The following BMAL1 variants were observed in gnomAD, a reference collection of about 807,000 sequenced individuals.
BMAL1 encodes basic helix-loop-helix ARNT like 1.
the BMAL1 span, chr11:13,353,506 G>A: frequency 6.6e-6 from 1 of 152,212 alleles, no homozygotes; most frequent in Non-Finnish European, 1.5e-5. Flanking sequence ...TTGATCATAT[G>A]TTTATTGATT....
At chr11:13,361,166 A>G in the BMAL1 span, among the ~76,000 whole-genome samples, 6 of 152,152 alleles carry the variant, frequency 3.9e-5, no homozygotes, top group Non-Finnish European at 5.9e-5. Flanking sequence ...CAAGAGATAT[A>G]TGCTTTCACC....
the BMAL1 span, among the ~76,000 whole-genome samples, chr11:13,306,700 A>C: frequency 6.6e-6 from 1 of 152,240 alleles, no homozygotes; most frequent in African/African-American, 2.4e-5. Flanking sequence ...ACAGATACAG[A>C]AAACGGCGTG....
chr11:13,355,352 T>G, the BMAL1 span: 2 of 1,496,966 alleles, frequency 1.3e-6, no homozygotes, highest in Non-Finnish European at 9.3e-7. Context: ...AGAGTGGGTA[T>G]GAGGGCTGTG....
At chr11:13,329,139 CAA>C in the BMAL1 span, among the ~76,000 whole-genome samples, 1 of 152,174 alleles carries the variant, frequency 6.6e-6, no homozygotes, top group African/African-American at 2.4e-5. Flanking sequence ...CACAAGAACA[CAA>C]GATCACTTCA....
the BMAL1 span, among the ~76,000 whole-genome samples, chr11:13,319,775 C>G: frequency 6.6e-6 from 1 of 152,206 alleles, no homozygotes; most frequent in South Asian, 2.1e-4. Context: ...CACAGCTCTG[C>G]CAGGCTGGCT....
At chr11:13,378,477 C>G in the BMAL1 span, 3 of 1,592,270 alleles carry the variant, frequency 1.9e-6, no homozygotes, top group East Asian at 6.8e-5. Context: ...CTCTGTTAAA[C>G]CAGTGGTTCT....
At chr11:13,381,042 A>G in the BMAL1 span, 1 of 939,554 alleles carries the variant, frequency 1.1e-6, no homozygotes, top group South Asian at 1.5e-5. Context: ...GGCCCCTTAC[A>G]GAAAAAGCTT....
chr11:13,385,656 T>C, the BMAL1 span: 2 of 1,544,874 alleles, frequency 1.3e-6, no homozygotes, highest in African/African-American at 2.7e-5. Flanking sequence ...TAATACTGAT[T>C]CAAACTTCAC....
At chr11:13,358,599 C>G in the BMAL1 span, 2 of 1,583,420 alleles carry the variant, frequency 1.3e-6, no homozygotes, top group African/African-American at 2.7e-5. Flanking sequence ...GAGGTGAGAC[C>G]CTGGGCTCTA....
chr11:13,289,341 G>A, the BMAL1 span, among the ~76,000 whole-genome samples: 2 of 152,116 alleles, frequency 1.3e-5, no homozygotes, highest in African/African-American at 4.8e-5. Flanking sequence ...GGTGGGTGCT[G>A]ATGTGTACTA....
the BMAL1 span, among the ~76,000 whole-genome samples, chr11:13,337,653 G>A: frequency 6.6e-6 from 1 of 152,152 alleles, no homozygotes; most frequent in African/African-American, 2.4e-5. Flanking sequence ...AGTGAAAGTG[G>A]CATATTATCT....
At chr11:13,380,782 C>A in the BMAL1 span, 1 of 166,386 alleles carries the variant, frequency 6.0e-6, no homozygotes. Flanking sequence ...TAAAACTGGC[C>A]ACTTACTTGA....
At chr11:13,366,639 T>C in the BMAL1 span, 1 of 1,575,030 alleles carries the variant, frequency 6.3e-7, no homozygotes, top group Non-Finnish European at 8.7e-7. Flanking sequence ...AATTGACTTG[T>C]CATGTTTAAC....
chr11:13,337,973 C>T, the BMAL1 span, among the ~76,000 whole-genome samples: 6 of 152,164 alleles, frequency 3.9e-5, no homozygotes, highest in East Asian at 1.9e-4. Flanking sequence ...GAGAACTAAA[C>T]GAAACAACAC....
chr11:13,342,173 C>T, the BMAL1 span, among the ~76,000 whole-genome samples: 1 of 152,170 alleles, frequency 6.6e-6, no homozygotes, highest in African/African-American at 2.4e-5. Flanking sequence ...GGGGAAAACT[C>T]TTGCAAAAAA....
the BMAL1 span, among the ~76,000 whole-genome samples, chr11:13,289,390 G>C: frequency 6.6e-6 from 1 of 152,010 alleles, no homozygotes; most frequent in African/African-American, 2.4e-5. Context: ...TTATTTGTTT[G>C]TTTTTATTAT....
At chr11:13,361,474 A>G in the BMAL1 span, among the ~76,000 whole-genome samples, 8 of 152,246 alleles carry the variant, frequency 5.3e-5, no homozygotes, top group East Asian at 1.4e-3. Context: ...GAATCTTCCT[A>G]CCCATCTTTG....
the BMAL1 span, chr11:13,354,275 C>CTT: frequency 6.5e-7 from 1 of 1,534,228 alleles, no homozygotes; most frequent in Non-Finnish European, 8.8e-7. Flanking sequence ...ATAAACACAC[C>CTT]TTTGTGCCTC....
At chr11:13,284,190 ATATGTGTGTATATATATATGTG>A in the BMAL1 span, among the ~76,000 whole-genome samples, 626 of 62,946 alleles carry the variant, frequency 9.9e-3, 54 homozygotes, top group East Asian at 0.057. Context: ...GTATATATAT[ATATGTGTGTATATATATATGTG>A]TATATATATA....
Sources: allele counts gnomAD v4.1 joint callset (sites outside exome capture counted in the v4.1 genomes callset), GRCh38; gene constraint gnomAD v4.1.1; transcripts MANE v1.5; gene names NCBI Gene and HGNC (gene_info 2026-07-23, HGNC 2026-07-21).